AHCYL2: variants seen among roughly 807,000 people sequenced by gnomAD.
AHCYL2 encodes S-adenosylhomocysteine hydrolase-like protein 2.
Under a neutral mutation model 81.4 loss-of-function variants are expected in AHCYL2, and 28 were observed. The ratio of observed to expected loss-of-function variants is 0.34; its 90% CI spans 0.25 to 0.47. AHCYL2 has a LOEUF of 0.47. AHCYL2 is among the 20% of genes least tolerant of loss of function. AHCYL2 has a pLI of 1.00. For missense variants in AHCYL2, 551 were observed against 785.1 expected (o/e 0.70, Z 3.56); for synonymous variants, 272 against 290.2 (o/e 0.94, Z 0.64).
intron 5 of AHCYL2, among the ~76,000 whole-genome samples, chr7:129,398,567 C>T (rs1305889753): frequency 3.4e-4 from 51 of 150,974 alleles, no homozygotes; most frequent in African/African-American, 1.0e-3. Context: ...TTAGTAGAGA[C>T]GGGGTTTCAC....
At chr7:129,425,178 G>C in intron 15 of AHCYL2, 37 bp downstream of exon 15, 1 of 1,583,556 alleles carries the variant, frequency 6.3e-7, no homozygotes, top group Non-Finnish European at 8.6e-7. Context: ...CCTTACCAAA[G>C]TAGTTCAGAG....
At chr7:129,344,551 CAG>C (rs1312055419) in intron 1 of AHCYL2, among the ~76,000 whole-genome samples, 1 of 152,046 alleles carries the variant, frequency 6.6e-6, no homozygotes, top group Non-Finnish European at 1.5e-5. Flanking sequence ...TCTATAGTAA[CAG>C]AACAGATCAG....
intron 1 of AHCYL2, among the ~76,000 whole-genome samples, chr7:129,373,470 T>G (rs1256798310): frequency 6.6e-6 from 1 of 151,764 alleles, no homozygotes; most frequent in Non-Finnish European, 1.5e-5. Context: ...CGTGGTGGCA[T>G]GCGCCTGTAG....
intron 1 of AHCYL2, among the ~76,000 whole-genome samples, chr7:129,267,803 T>G (rs1168090382): frequency 6.6e-6 from 1 of 152,024 alleles, no homozygotes; most frequent in African/African-American, 2.4e-5. Context: ...TTGATAGAAT[T>G]TGGTGACTGA....
intron 4 of AHCYL2, among the ~76,000 whole-genome samples, chr7:129,392,395 GATGGCGCTTTCT>G (rs979932556): frequency 2.0e-5 from 3 of 152,226 alleles, no homozygotes; most frequent in Non-Finnish European, 4.4e-5. Flanking sequence ...GTTCCTTATA[GATGGCGCTTTCT>G]ATGTGCCCTC....
chr7:129,321,244 A>G (rs1326392740), intron 1 of AHCYL2, among the ~76,000 whole-genome samples: 2 of 152,206 alleles, frequency 1.3e-5, no homozygotes, highest in East Asian at 3.8e-4. Context: ...CTTGTTCTCA[A>G]TGTTAAGAAG....
chr7:129,281,129 C>G (rs1201074752), intron 1 of AHCYL2, among the ~76,000 whole-genome samples: 2 of 152,212 alleles, frequency 1.3e-5, no homozygotes, highest in East Asian at 3.9e-4. Context: ...TCCCAAAGTG[C>G]TGGGATTACA....
chr7:129,414,838 T>A lies in AHCYL2; in HGVS notation c.1461+1150T>A, dbSNP rs147079114. Among the ~76,000 whole-genome samples, 75 of 152,344 alleles carry A rather than the reference T, an allele frequency of 4.9e-4. 1 individual carries two copies. The East Asian group carries it at 0.014, about 28-fold the overall frequency. Reference sequence around the variant, plus strand: ...TGTATTTCTCTCTGGGTAACTGGCTTAAGCAAAGTATGCTTTCATCTCCAC... The same window carrying A: ...TGTATTTCTCTCTGGGTAACTGGCTAAAGCAAAGTATGCTTTCATCTCCAC... On this transcript the variant is annotated intron_variant, in intron 12 of 16. Transcript: ENST00000325006.
intron 1 of AHCYL2, among the ~76,000 whole-genome samples, chr7:129,358,114 C>T (rs942629888): frequency 1.3e-5 from 2 of 151,816 alleles, no homozygotes; most frequent in Non-Finnish European, 2.9e-5. Context: ...AAAAGAAAGG[C>T]CAGGGGCGGT....
intron 1 of AHCYL2, among the ~76,000 whole-genome samples, chr7:129,369,800 A>C (rs1056537168): frequency 2.0e-5 from 3 of 151,866 alleles, no homozygotes; most frequent in Admixed American, 2.0e-4. Flanking sequence ...GATCCACCCA[A>C]CTCGGCCTCC....
chr7:129,413,812 C>A, intron 12 of AHCYL2, 124 bp downstream of exon 12: 1 of 754,812 alleles, frequency 1.3e-6, no homozygotes, highest in Admixed American at 2.2e-5. Flanking sequence ...TTGTCCACAT[C>A]TTTTCACTTA....
In AHCYL2 at chr7:129,368,547, G is replaced by A. The variant is rs1243585961; in HGVS notation, c.364-11091G>A. The A allele has an allele frequency of 5.6e-6, 9 of 1,613,896 alleles. No homozygotes were observed. Among genetic ancestry groups the A allele is most frequent in the Non-Finnish European group, 7.6e-6 (9 of 1,179,894 alleles). On this transcript the variant is annotated intron_variant, in intron 1 of 16. Coordinates refer to ENST00000325006, the MANE Select transcript of AHCYL2 (RefSeq NM_015328.4). The surrounding 1 kb of genome is among the most constrained non-coding windows in gnomAD (Gnocchi z 4.4). ...ACCTCAGCTTTTCACATGCCTGAGT[G>A]GATGGTGAGTTCACTGGTCGTTTTG...
intron 1 of AHCYL2, among the ~76,000 whole-genome samples, chr7:129,321,870 G>T (rs774874508): frequency 1.3e-5 from 2 of 149,754 alleles, no homozygotes; most frequent in African/African-American, 4.9e-5. Flanking sequence ...CCACCTCCCA[G>T]GTTCAAGCGA....
intron 1 of AHCYL2, among the ~76,000 whole-genome samples, chr7:129,318,346 C>G (rs1230359516): frequency 6.6e-6 from 1 of 152,218 alleles, no homozygotes; most frequent in African/African-American, 2.4e-5. Context: ...CCTTCCGCCT[C>G]ATGCTCTTGA....
intron 1 of AHCYL2, among the ~76,000 whole-genome samples, chr7:129,324,860 G>A (rs769765972): frequency 2.6e-5 from 4 of 152,118 alleles, no homozygotes; most frequent in Non-Finnish European, 4.4e-5. Flanking sequence ...AATTGTTTTA[G>A]GGTTTGTGGT....
chr7:129,303,804 G>A (rs1197787048), intron 1 of AHCYL2, among the ~76,000 whole-genome samples: 1 of 151,904 alleles, frequency 6.6e-6, no homozygotes, highest in East Asian at 1.9e-4. Context: ...TCCCTCTTTG[G>A]CTGGGTGTGG....
chr7:129,367,212 C>G (rs1245038981), intron 1 of AHCYL2, among the ~76,000 whole-genome samples: 1 of 152,106 alleles, frequency 6.6e-6, no homozygotes, highest in African/African-American at 2.4e-5. Flanking sequence ...TTCACAGAGC[C>G]TATAATCATA....
In AHCYL2 at chr7:129,225,396, G is replaced by T; in HGVS notation, c.320G>T (p.Ser107Ile). The change falls in exon 1 of 17, where the codon AGC becomes ATC. Residue 107 changes from serine (S) to isoleucine (I), a missense_variant. This residue lies in a region of AHCYL2 where 235 missense variants were observed against 242.1 expected (regional missense o/e 0.97). Coordinates refer to ENST00000325006, the MANE Select transcript of AHCYL2 (RefSeq NM_015328.4). Reference protein sequence around the residue: ...RHRDGGEALVSPDGTVTEAPR... With the variant: ...RHRDGGEALVIPDGTVTEAPR... ...CGCGACGGCGGCGAGGCCCTGGTCA[G>T]CCCCGACGGCACCGTCACCGAGGCG... 2.6e-6 allele frequency: 4 copies of T among 1,517,116 alleles called. No individual in the cohort carries two copies. Among genetic ancestry groups the T allele is most frequent in the Non-Finnish European group, 3.5e-6 (4 of 1,138,274 alleles). The allele number at this position is 1,517,116 out of a possible 1,614,324, so 94.0% of individuals were successfully genotyped here. A position where few individuals can be genotyped will look rare whatever the true frequency, so the allele number is the denominator to read the frequency against.
intron 1 of AHCYL2, among the ~76,000 whole-genome samples, chr7:129,320,093 T>G (rs1563195139): frequency 6.6e-6 from 1 of 152,200 alleles, no homozygotes; most frequent in East Asian, 1.9e-4. Context: ...GTAGTGGTTT[T>G]TGTGTTTAAT....
Sources: allele counts gnomAD v4.1 joint callset (sites outside exome capture counted in the v4.1 genomes callset), GRCh38; gene constraint gnomAD v4.1.1; regional missense constraint gnomAD v4.1.1; non-coding constraint Gnocchi (gnomAD v3.1); transcripts MANE v1.5; gene names NCBI Gene and HGNC (gene_info 2026-07-23, HGNC 2026-07-21).